Variants in GABRG3 observed in about 807,000 individuals in gnomAD.
GABRG3 encodes the protein gamma-aminobutyric acid receptor subunit gamma-3.
GABRG3 carries 25 observed loss-of-function variants against 48.8 expected under a neutral mutation model. The ratio of observed to expected loss-of-function variants is 0.51; its 90% CI spans 0.37 to 0.72. The LOEUF (loss-of-function observed/expected upper bound fraction) is 0.72, where lower values mean the gene tolerates loss of function less well. Among genes scored for constraint, GABRG3 ranks in the 30% least tolerant of loss-of-function variants. GABRG3 has a pLI of 0.00. For missense variants in GABRG3, 394 were observed against 577.9 expected, an observed-to-expected ratio of 0.68 and a Z score of 3.26; for synonymous variants, 227 against 217.6, an observed-to-expected ratio of 1.04 and a Z score of -0.38.
At chr15:27,138,885 A>C (rs1272824658) in intron 3 of GABRG3, among the ~76,000 whole-genome samples, 1 of 152,132 alleles carries the variant, frequency 6.6e-6, no homozygotes, top group African/African-American at 2.4e-5. Flanking sequence ...TACAATGTGG[A>C]TAGAAATGTT....
At chr15:27,374,138 C>CTTTTTT (rs201839822) in intron 5 of GABRG3, among the ~76,000 whole-genome samples, 7 of 91,666 alleles carry the variant, frequency 7.6e-5, no homozygotes, top group Admixed American at 1.2e-4. Context: ...TTCTTTTCTT[C>CTTTTTT]TTTTTTTTTT....
In GABRG3 at chr15:27,517,640, A is replaced by G. The variant is rs191625371; in HGVS notation, c.713-2332A>G. On this transcript the variant is annotated intron_variant, in intron 6 of 9. Transcript: ENST00000615808. Reference sequence around the variant, plus strand: ...TTTGGATGTTCCATTTGGACTCTGCATAACTCCTAGGGTGATTTATTGTCC... The same window carrying G: ...TTTGGATGTTCCATTTGGACTCTGCGTAACTCCTAGGGTGATTTATTGTCC... Among the ~76,000 whole-genome samples, 8 of 152,330 alleles carry G rather than the reference A, an allele frequency of 5.3e-5. No individual in the cohort carries two copies. The East Asian group carries it at 1.5e-3, about 29-fold the overall frequency.
chr15:27,129,307 G>A (rs1014699019), intron 3 of GABRG3, among the ~76,000 whole-genome samples: 4 of 152,134 alleles, frequency 2.6e-5, no homozygotes, highest in Non-Finnish European at 5.9e-5. Flanking sequence ...GAATCATACA[G>A]CATCTGTCCT....
chr15:27,254,160 A>G (rs991783193), intron 3 of GABRG3, among the ~76,000 whole-genome samples: 11 of 152,192 alleles, frequency 7.2e-5, no homozygotes, highest in South Asian at 4.1e-4. Flanking sequence ...ACTGGCGACA[A>G]TGCAGGTCCC....
intron 5 of GABRG3, among the ~76,000 whole-genome samples, chr15:27,431,725 G>A (rs914710630): frequency 6.6e-6 from 1 of 152,112 alleles, no homozygotes; most frequent in South Asian, 2.1e-4. Context: ...TTTCATGAAT[G>A]TGTGTTTGTT....
At chr15:26,982,250 C>T (rs1895069696) in intron 2 of GABRG3, among the ~76,000 whole-genome samples, 1 of 152,186 alleles carries the variant, frequency 6.6e-6, no homozygotes, top group East Asian at 1.9e-4. Context: ...AGACACTGGT[C>T]AGTCAGAGAG....
intron 3 of GABRG3, among the ~76,000 whole-genome samples, chr15:27,037,338 A>C (rs1437273804): frequency 3.9e-5 from 6 of 152,200 alleles, no homozygotes; most frequent in Non-Finnish European, 8.8e-5. Flanking sequence ...GAATTGAAGA[A>C]ACAGGAGAGA....
At chr15:27,093,612 G>T (rs574930924) in intron 3 of GABRG3, among the ~76,000 whole-genome samples, 99 of 152,184 alleles carry the variant, frequency 6.5e-4, no homozygotes, top group African/African-American at 2.1e-3. Flanking sequence ...ATGATGTTTT[G>T]TTAAAAGAAA....
chr15:27,504,266 C>T (rs933406991), intron 6 of GABRG3, among the ~76,000 whole-genome samples: 3 of 151,986 alleles, frequency 2.0e-5, no homozygotes, highest in South Asian at 2.1e-4. Flanking sequence ...CTCTACTTCT[C>T]GTCTATTTTT....
rs113029584 is a variant in GABRG3, at chr15:27,153,344, T to C, written c.270+126523T>C. On this transcript the variant is annotated intron_variant, in intron 3 of 9. Transcript: ENST00000615808. ...TTTCTAGGTTCTCTATTCTGTTCCATTGATCTATGTGTGTATCCCTCTGAC... is the reference window on the plus strand; with the variant it reads ...TTTCTAGGTTCTCTATTCTGTTCCACTGATCTATGTGTGTATCCCTCTGAC... 8.9e-3 allele frequency among the ~76,000 whole-genome samples: 1,358 copies of C among 152,316 alleles called. 19 individuals are homozygous for C. Among genetic ancestry groups the C allele is most frequent in the African/African-American group, 0.031 (1,280 of 41,564 alleles).
chr15:27,109,066 A>G (rs1897499910), intron 3 of GABRG3, among the ~76,000 whole-genome samples: 1 of 152,242 alleles, frequency 6.6e-6, no homozygotes, highest in Non-Finnish European at 1.5e-5. Flanking sequence ...TGTATGTACC[A>G]GAGTTTATTT....
At chr15:27,142,425 A>G (rs1898121375) in intron 3 of GABRG3, among the ~76,000 whole-genome samples, 1 of 152,216 alleles carries the variant, frequency 6.6e-6, no homozygotes, top group South Asian at 2.1e-4. Context: ...ATGATGAGGA[A>G]GACGCAAAAG....
At chr15:27,298,503 C>T (rs563912221) in intron 3 of GABRG3, among the ~76,000 whole-genome samples, 7 of 151,946 alleles carry the variant, frequency 4.6e-5, no homozygotes, top group Admixed American at 1.3e-4. Context: ...ATTATGTATT[C>T]GTTGGGTACT....
chr15:27,235,247 C>A (rs2140450133), intron 3 of GABRG3, among the ~76,000 whole-genome samples: 1 of 151,208 alleles, frequency 6.6e-6, no homozygotes, highest in African/African-American at 2.5e-5. Context: ...AAGGTGTAGT[C>A]AGTATACCTA....
intron 2 of GABRG3, among the ~76,000 whole-genome samples, chr15:26,993,955 A>G (rs571058212): frequency 1.3e-5 from 2 of 152,116 alleles, no homozygotes; most frequent in East Asian, 3.9e-4. Context: ...ATCATTGATA[A>G]TGATCCTTTT....
chr15:27,083,191 G>A lies in GABRG3; in HGVS notation c.270+56370G>A, dbSNP rs569823172. Among the ~76,000 whole-genome samples, 85 of 152,272 alleles carry A rather than the reference G, an allele frequency of 5.6e-4. 1 individual carries two copies. In the South Asian group the frequency reaches 0.016, roughly 28 times the overall value. ...TAGAGGCAGTTTTTATGACTCAAAT[G>A]ATACTTGCAGACAAGCATTAACAAA... On this transcript the variant is annotated intron_variant, in intron 3 of 9. Coordinates refer to ENST00000615808, the MANE Select transcript of GABRG3 (RefSeq NM_033223.5).
chr15:27,476,409 A>C (rs1180021937), intron 5 of GABRG3, among the ~76,000 whole-genome samples: 2 of 152,188 alleles, frequency 1.3e-5, no homozygotes. Context: ...TCATGCCTTA[A>C]AAAAATCAAA....
rs538448806 is a variant in GABRG3, at chr15:27,380,920, C to A, written c.574+52032C>A. The stretch of plus-strand genomic sequence containing the variant: ...AGCTGGGACTACAGGCGCCTGCCAC[C>A]ATGCCCAGCTAATTTTTTATATTTT... On this transcript the variant is annotated intron_variant, in intron 5 of 9. Transcript: ENST00000615808. 1.9e-3 allele frequency among the ~76,000 whole-genome samples: 288 copies of A among 152,132 alleles called. 1 individual carries two copies. The highest frequency in any genetic ancestry group is 6.5e-3 in the African/African-American group (268 of 41,510).
intron 5 of GABRG3, among the ~76,000 whole-genome samples, chr15:27,463,095 T>G (rs1381168451): frequency 2.6e-5 from 4 of 152,276 alleles, no homozygotes; most frequent in African/African-American, 9.6e-5. Flanking sequence ...TTATTAAAAT[T>G]AATATATGTT....
Sources: gnomAD v4.1 joint callset for allele counts (sites outside exome capture counted in the v4.1 genomes callset) on GRCh38, gnomAD v4.1.1 for gene constraint, MANE v1.5 for transcripts, NCBI Gene and HGNC (gene_info 2026-07-23, HGNC 2026-07-21) for gene names.